Variants in SPECC1 observed in about 807,000 individuals in gnomAD.
SPECC1 encodes sperm antigen with calponin homology and coiled-coil domains 1, also known as cytospin-B.
In SPECC1, 62 loss-of-function variants were observed where a neutral mutation model predicts 104.1. The ratio of observed to expected loss-of-function variants is 0.60; its 90% CI spans 0.49 to 0.74. The LOEUF (loss-of-function observed/expected upper bound fraction) is 0.74, where lower values mean the gene tolerates loss of function less well. SPECC1 is among the 30% of genes least tolerant of loss of function. The pLI is 0.00. For missense variants in SPECC1, 1,306 were observed against 1,310.5 expected (o/e 1.00, Z 0.05); for synonymous variants, 513 against 501.6 (o/e 1.02, Z -0.30).
chr17:20,114,793 G>T lies in SPECC1; in HGVS notation c.283+4231G>T, dbSNP rs73299644. ...GCAAAGCTTTCTTTGACAGTAAAGG[G>T]CACATATGCATAGTGGGAGAAGATC... On this transcript the variant is annotated intron_variant, in intron 3 of 14. Coordinates refer to ENST00000395527, the MANE Select transcript of SPECC1 (RefSeq NM_001243439.2). Among the ~76,000 whole-genome samples the T allele has an allele frequency of 7.0e-3, 1,060 of 152,282 alleles. 7 individuals carry two copies. Among genetic ancestry groups the T allele is most frequent in the African/African-American group, 0.023 (947 of 41,560 alleles).
At chr17:20,205,980 A>G in intron 4 of SPECC1, 68 bp downstream of exon 4, 1 of 1,525,070 alleles carries the variant, frequency 6.6e-7, no homozygotes, top group Non-Finnish European at 8.8e-7. Flanking sequence ...TAACCTCTAA[A>G]TTCACAGAGC....
At chr17:20,276,405 A>G (rs2044789652) in intron 12 of SPECC1, among the ~76,000 whole-genome samples, 1 of 152,202 alleles carries the variant, frequency 6.6e-6, no homozygotes, top group South Asian at 2.1e-4. Flanking sequence ...ACAAGTGTGG[A>G]GCCACTTTGC....
intron 13 of SPECC1, among the ~76,000 whole-genome samples, chr17:20,298,970 TGTATGTAG>T (rs2041461491): frequency 8.8e-5 from 8 of 91,340 alleles, no homozygotes; most frequent in African/African-American, 3.0e-4. Context: ...TGTGTGTGTG[TGTATGTAG>T]AGAGAGAGAG....
At chr17:20,050,607 A>T (rs1295929233) in intron 1 of SPECC1, among the ~76,000 whole-genome samples, 1 of 152,212 alleles carries the variant, frequency 6.6e-6, no homozygotes, top group Non-Finnish European at 1.5e-5. Context: ...GCATGTGTTT[A>T]GTTACCTACT....
intron 3 of SPECC1, among the ~76,000 whole-genome samples, chr17:20,196,014 G>T (rs1486338882): frequency 6.6e-6 from 1 of 152,064 alleles, no homozygotes; most frequent in East Asian, 1.9e-4. Flanking sequence ...TAGAAAAACT[G>T]AATAATACCC....
At chr17:20,288,771 C>CTTTT (rs60578647) in intron 12 of SPECC1, among the ~76,000 whole-genome samples, 88 of 73,724 alleles carry the variant, frequency 1.2e-3, no homozygotes, top group Non-Finnish European at 1.7e-3. Context: ...AAGGGCACTT[C>CTTTT]TTTTTTTTTT....
chr17:20,236,736 A>AC, intron 7 of SPECC1: 2 of 1,289,442 alleles, frequency 1.6e-6, no homozygotes, highest in Admixed American at 3.6e-5. Flanking sequence ...CTGTTGGCCT[A>AC]TCCTGGACAT....
At chr17:20,154,443 C>T (rs2032279350) in intron 3 of SPECC1, among the ~76,000 whole-genome samples, 1 of 152,082 alleles carries the variant, frequency 6.6e-6, no homozygotes, top group African/African-American at 2.4e-5. Context: ...AGAGGGAACA[C>T]CAAGTGCAAA....
At position 20,122,509 on chromosome 17, in the gene SPECC1, A is replaced by C. The variant is rs934938834; in HGVS notation, c.283+11947A>C. On this transcript the variant is annotated intron_variant, in intron 3 of 14. Transcript: ENST00000395527. ...GAATTGTGGAAAAATACACATAATCATTTTTAAGTGTACAGTTCAGCGGCA... is the reference window on the plus strand; with the variant it reads ...GAATTGTGGAAAAATACACATAATCCTTTTTAAGTGTACAGTTCAGCGGCA... Among the ~76,000 whole-genome samples, 19 of 152,294 alleles carry C rather than the reference A, an allele frequency of 1.2e-4. No homozygotes were observed. In the South Asian group the frequency reaches 3.9e-3, roughly 32 times the overall value.
chr17:20,311,667 A>C (rs2041938057), intron 14 of SPECC1, among the ~76,000 whole-genome samples: 1 of 152,188 alleles, frequency 6.6e-6, no homozygotes, highest in African/African-American at 2.4e-5. Flanking sequence ...TGCTGGGATT[A>C]CAGTCCAGTA....
At chr17:20,124,674 A>C (rs573623440) in intron 3 of SPECC1, among the ~76,000 whole-genome samples, 2 of 152,196 alleles carry the variant, frequency 1.3e-5, no homozygotes, top group Non-Finnish European at 2.9e-5. Context: ...ATAAGCTGCA[A>C]ATATGCTAAG....
intron 7 of SPECC1, among the ~76,000 whole-genome samples, chr17:20,244,216 G>A (rs1426308358): frequency 4.6e-5 from 7 of 152,108 alleles, no homozygotes; most frequent in East Asian, 1.9e-4. Context: ...GCGACAGAGC[G>A]AGACTCTGTC....
chr17:20,167,205 A>G (rs573592603), intron 3 of SPECC1, among the ~76,000 whole-genome samples: 1 of 148,110 alleles, frequency 6.8e-6, no homozygotes, highest in African/African-American at 2.5e-5. Context: ...ATATGTGTTT[A>G]TATATATACT....
At chr17:20,104,740 CAAAAAAAAA>C (rs745893309) in intron 2 of SPECC1, among the ~76,000 whole-genome samples, 10 of 57,242 alleles carry the variant, frequency 1.7e-4, no homozygotes, top group African/African-American at 5.5e-4. Context: ...GAGACTGTCT[CAAAAAAAAA>C]AAAAAAAAAA....
intron 3 of SPECC1, among the ~76,000 whole-genome samples, chr17:20,115,500 TA>T (rs927016950): frequency 2.7e-5 from 4 of 150,880 alleles, no homozygotes; most frequent in Non-Finnish European, 4.4e-5. Context: ...TAAATAAAAA[TA>T]AAAAAAATTG....
At chr17:20,084,149 G>A (rs1197145258) in intron 1 of SPECC1, among the ~76,000 whole-genome samples, 3 of 152,154 alleles carry the variant, frequency 2.0e-5, no homozygotes, top group African/African-American at 7.2e-5. Flanking sequence ...TAACAAAGAG[G>A]CTGGGCACTG....
At chr17:20,110,655 C>T (rs888603448) in intron 3 of SPECC1, 93 bp downstream of exon 3, 4 of 1,358,438 alleles carry the variant, frequency 2.9e-6, no homozygotes, top group African/African-American at 1.5e-5. Context: ...TTCCTTCCCT[C>T]GTGAAATATT....
Position 20,143,175 on chromosome 17 carries a change from GA to G in SPECC1, c.283+32627del, listed in dbSNP as rs35425849. ...TTTGCCACAGGAATATTCTTTATAG[GA>G]AAAAAAAAAAAAAGCCTGGGCAACG... is the stretch of plus-strand genomic sequence containing the variant. On this transcript the variant is annotated intron_variant, in intron 3 of 14. Transcript: ENST00000395527. Among the ~76,000 whole-genome samples the G allele has an allele frequency of 3.8e-3, 528 of 140,068 alleles. 1 individual carries two copies. Among genetic ancestry groups the G allele is most frequent in the Middle Eastern group, 7.3e-3 (2 of 274 alleles). The allele number at this position is 140,068 out of a possible 152,430, so 91.9% of individuals were successfully genotyped here. A position where few individuals can be genotyped will look rare whatever the true frequency, so the allele number is the denominator to read the frequency against.
intron 3 of SPECC1, among the ~76,000 whole-genome samples, chr17:20,179,620 C>T (rs1310999922): frequency 2.0e-5 from 3 of 152,188 alleles, no homozygotes; most frequent in Non-Finnish European, 2.9e-5. Flanking sequence ...ATCAAGTACT[C>T]TTGCCCAGAT....
Sources: gnomAD v4.1 joint callset for allele counts (sites outside exome capture counted in the v4.1 genomes callset) on GRCh38, gnomAD v4.1.1 for gene constraint, MANE v1.5 for transcripts, NCBI Gene and HGNC (gene_info 2026-07-23, HGNC 2026-07-21) for gene names.